MICAL3: variants seen among roughly 807,000 people sequenced by gnomAD.
MICAL3 encodes [F-actin]-monooxygenase MICAL3.
A neutral mutation model predicts 207.4 loss-of-function variants in MICAL3; 62 were observed. The ratio of observed to expected loss-of-function variants is 0.30; its 90% CI spans 0.24 to 0.37. MICAL3 has a LOEUF of 0.37. Among genes scored for constraint, MICAL3 ranks in the 10% least tolerant of loss-of-function variants. The pLI is 1.00. For synonymous variants in MICAL3, 1,077 were observed against 1,069.3 expected (o/e 1.01, Z -0.14); for missense variants, 2,368 against 2,635.6 (o/e 0.90, Z 2.22).
At chr22:17,855,872 C>T (rs1422832200) in intron 19 of MICAL3, among the ~76,000 whole-genome samples, 2 of 152,234 alleles carry the variant, frequency 1.3e-5, no homozygotes, top group South Asian at 2.1e-4. Flanking sequence ...TCTTGCCTCT[C>T]GCCCACGCTG....
intron 7 of MICAL3, 138 bp from the exon 8 acceptor site, chr22:17,897,119 TAA>T: frequency 1.1e-6 from 1 of 888,566 alleles, no homozygotes; most frequent in Non-Finnish European, 1.7e-6. Flanking sequence ...TTTATACCAT[TAA>T]AATGGGCGGG....
chr22:17,823,232 G>A (rs890240108), intron 22 of MICAL3, among the ~76,000 whole-genome samples, 172 bp from the exon 23 acceptor site: 2 of 152,244 alleles, frequency 1.3e-5, no homozygotes, highest in African/African-American at 2.4e-5. Flanking sequence ...GGGTGCTGGG[G>A]GGGGCCCGGG....
At chr22:18,002,673 A>G (rs1923117537) in intron 1 of MICAL3, among the ~76,000 whole-genome samples, 1 of 152,052 alleles carries the variant, frequency 6.6e-6, no homozygotes, top group South Asian at 2.1e-4. Context: ...TGAACCAAAT[A>G]TATCTTGTAT....
At chr22:17,854,339 G>A (rs2146109103) in intron 19 of MICAL3, among the ~76,000 whole-genome samples, 1 of 152,244 alleles carries the variant, frequency 6.6e-6, no homozygotes. Context: ...CACAGTGCTG[G>A]GCTGGAGAAG....
intron 1 of MICAL3, among the ~76,000 whole-genome samples, chr22:17,944,638 T>C (rs935258259): frequency 2.0e-5 from 3 of 152,104 alleles, no homozygotes; most frequent in Non-Finnish European, 2.9e-5. Flanking sequence ...ACGCACCCAC[T>C]GACGATAGGA....
At chr22:17,904,274 G>A (rs946918699) in intron 3 of MICAL3, among the ~76,000 whole-genome samples, 10 of 152,234 alleles carry the variant, frequency 6.6e-5, no homozygotes, top group Non-Finnish European at 1.2e-4. Context: ...ACTGCAAGAA[G>A]GACCACCAGA....
Position 17,891,651 on chromosome 22 carries a change from G to A in MICAL3, c.1547-19C>T, listed in dbSNP as rs1217551665. The A allele has an allele frequency of 6.2e-7, 1 of 1,611,342 alleles. No homozygotes were observed. On this transcript the variant is annotated intron_variant, in intron 11 of 31. Coordinates refer to ENST00000441493, the MANE Select transcript of MICAL3 (RefSeq NM_015241.3). ...ACAGACTCTAAAACAACAAAACACA[G>A]TATTATTGGAGGTGTGGTCACCTGG...
At chr22:17,874,072 G>C (rs1928008310) in intron 16 of MICAL3, among the ~76,000 whole-genome samples, 1 of 152,228 alleles carries the variant, frequency 6.6e-6, no homozygotes, top group South Asian at 2.1e-4. Flanking sequence ...CGGGCAGGGG[G>C]AAGCAGGCGC....
In MICAL3 at chr22:17,902,062, G is replaced by T; in HGVS notation, c.590-83C>A. ...ACCATCTCTAGATACCCAGTCATGT[G>T]AACTGCACAAAACCCTGGGCCAAAA... On this transcript the variant is annotated intron_variant, in intron 4 of 31. Coordinates refer to ENST00000441493, the MANE Select transcript of MICAL3 (RefSeq NM_015241.3). This position sits in a 1 kb window ranked among gnomAD's most constrained non-coding sequence, Gnocchi z 4.5. 1.0e-6 allele frequency: 1 copy of T among 974,188 alleles called. No individual in the cohort carries two copies. Among genetic ancestry groups the T allele is most frequent in the East Asian group, 2.6e-5 (1 of 38,702 alleles). 60.3% of individuals were successfully genotyped at this position (974,188 alleles called of 1,614,324 possible). A position where few individuals can be genotyped will look rare whatever the true frequency, so the allele number is the denominator to read the frequency against.
intron 1 of MICAL3, among the ~76,000 whole-genome samples, chr22:17,988,179 C>A (rs1280751042): frequency 6.6e-6 from 1 of 152,192 alleles, no homozygotes; most frequent in Non-Finnish European, 1.5e-5. Flanking sequence ...ACTTGGAAAA[C>A]AAGGCCAGCT....
chr22:17,962,964 G>A (rs756483767), intron 1 of MICAL3, among the ~76,000 whole-genome samples: 1 of 151,980 alleles, frequency 6.6e-6, no homozygotes, highest in Non-Finnish European at 1.5e-5. Context: ...TGTTGCCCAG[G>A]CAGTCACGAA....
intron 1 of MICAL3, among the ~76,000 whole-genome samples, chr22:17,958,443 G>A (rs528033554): frequency 6.6e-6 from 1 of 152,328 alleles, no homozygotes; most frequent in African/African-American, 2.4e-5. Context: ...CTGCCTTCCT[G>A]CTAAGGTGTC....
rs1933746075 is a variant in MICAL3 at position 17,940,263 on chromosome 22, G to A, written c.-74-33377C>T. ...CCTATAAAGAGAACTGATCCTGCCA[G>A]GTGCGGTGGCATGCACCTGTAGCCC... is the stretch of plus-strand genomic sequence containing the variant. On this transcript the variant is annotated intron_variant, in intron 1 of 31. Transcript: ENST00000441493. 2.0e-5 allele frequency among the ~76,000 whole-genome samples: 3 copies of A among 152,226 alleles called. No homozygotes were observed. The South Asian group carries it at 6.2e-4, about 32-fold the overall frequency.
Position 17,902,085 on chromosome 22 carries a change from AAAAC to A in MICAL3, c.590-110_590-107del, listed in dbSNP as rs1457535751. On this transcript the variant is annotated intron_variant, in intron 4 of 31. Transcript: ENST00000441493. The surrounding 1 kb of genome is among the most constrained non-coding windows in gnomAD (Gnocchi z 4.5). ...GTGAACTGCACAAAACCCTGGGCCA[AAAAC>A]ACTATGTGTAGAAGCAGTGGAGACA... The A allele has an allele frequency of 2.7e-6, 2 of 752,598 alleles. No homozygotes were observed. Among genetic ancestry groups the A allele is most frequent in the Non-Finnish European group, 4.4e-6 (2 of 453,258 alleles). The allele number at this position is 752,598 out of a possible 1,614,324, so 46.6% of individuals were successfully genotyped here.
intron 20 of MICAL3, among the ~76,000 whole-genome samples, chr22:17,838,649 G>C (rs1569088272): frequency 6.6e-6 from 1 of 152,222 alleles, no homozygotes; most frequent in South Asian, 2.1e-4. Context: ...TCCAGGCTTT[G>C]TTTGACTCCA....
intron 1 of MICAL3, among the ~76,000 whole-genome samples, chr22:17,916,332 G>A (rs1027713067): frequency 9.9e-5 from 15 of 151,996 alleles, no homozygotes; most frequent in Non-Finnish European, 1.9e-4. Context: ...TCCCACACTG[G>A]TCCCTTCCCT....
At chr22:17,828,216 C>T (rs1355246329) in intron 21 of MICAL3, among the ~76,000 whole-genome samples, 1 of 152,222 alleles carries the variant, frequency 6.6e-6, no homozygotes, top group Non-Finnish European at 1.5e-5. Flanking sequence ...CCCCAGGATG[C>T]ACTATCCTGC....
chr22:17,835,775 G>A (rs937246974), intron 20 of MICAL3, among the ~76,000 whole-genome samples: 5 of 152,194 alleles, frequency 3.3e-5, no homozygotes, highest in East Asian at 1.9e-4. Flanking sequence ...TGGTGACAAC[G>A]CACTGTCCTG....
chr22:17,985,117 G>C (rs563443266), intron 1 of MICAL3, among the ~76,000 whole-genome samples: 1 of 152,248 alleles, frequency 6.6e-6, no homozygotes, highest in East Asian at 1.9e-4. Flanking sequence ...CAAGAGTTGA[G>C]GGAGTCTGCA....
Sources: allele counts gnomAD v4.1 joint callset (sites outside exome capture counted in the v4.1 genomes callset), GRCh38; gene constraint gnomAD v4.1.1; non-coding constraint Gnocchi (gnomAD v3.1); transcripts MANE v1.5; gene names NCBI Gene and HGNC (gene_info 2026-07-23, HGNC 2026-07-21).